The following ALOX5AP variants were observed in gnomAD, a reference collection of about 807,000 sequenced individuals.
The protein encoded by ALOX5AP is arachidonate 5-lipoxygenase activating protein.
ALOX5AP carries 9 observed loss-of-function variants against 18.5 expected under a neutral mutation model. That is an observed-to-expected ratio of 0.49 (90% CI 0.29 to 0.85). The LOEUF (loss-of-function observed/expected upper bound fraction) is 0.85, where lower values mean the gene tolerates loss of function less well. Ranked by LOEUF, ALOX5AP falls within the 40% of genes least tolerant of loss-of-function variation. The pLI, the probability that ALOX5AP is intolerant of heterozygous loss-of-function variation, is 0.08. For missense variants in ALOX5AP, 172 were observed against 202.5 expected, an observed-to-expected ratio of 0.85 and a Z score of 0.91; for synonymous variants, 81 against 78.6, an observed-to-expected ratio of 1.03 and a Z score of -0.16.
chr13:30,754,919 G>A lies in ALOX5AP; in HGVS notation c.242-1025G>A, dbSNP rs17239193. Among the ~76,000 whole-genome samples the A allele has an allele frequency of 9.2e-3, 1,402 of 152,286 alleles. 23 individuals are homozygous for A. Among genetic ancestry groups the A allele is most frequent in the African/African-American group, 0.032 (1,319 of 41,560 alleles). On this transcript the variant is annotated intron_variant, in intron 3 of 4. Transcript: ENST00000380490. ...GATTGGAGACTCAAGTTCCCAAAAC[G>A]CCAGGAGCACTGCGGCAGGTGAAAA...
chr13:30,740,967 T>G (rs1042100157), intron 1 of ALOX5AP, among the ~76,000 whole-genome samples: 3 of 152,138 alleles, frequency 2.0e-5, no homozygotes, highest in Non-Finnish European at 4.4e-5. Flanking sequence ...CCTCTGACTT[T>G]TAATAAAGTC....
intron 2 of ALOX5AP, among the ~76,000 whole-genome samples, chr13:30,748,567 T>C (rs189100136): frequency 6.6e-6 from 1 of 152,358 alleles, no homozygotes; most frequent in East Asian, 1.9e-4. Flanking sequence ...TCATCAGTTC[T>C]GTTTTGCAGA....
Position 30,744,125 on chromosome 13 carries a change from G to A in ALOX5AP, c.136G>A (p.Gly46Arg), listed in dbSNP as rs1438548272. The change falls in exon 2 of 5, where the codon GGA becomes AGA. Residue 46 changes from glycine to arginine, a missense_variant. By Grantham distance (125) the Gly-to-Arg change is moderately radical. Transcript: ENST00000380490. ...TQNGRSFQRT[G>R]TLAFERVYTA... Reference sequence around the variant, plus strand: ...GAATGGGAGGAGCTTCCAGAGGACCGGAACACTTGCCTTTGAGCGGGTCTA... The same window carrying A: ...GAATGGGAGGAGCTTCCAGAGGACCAGAACACTTGCCTTTGAGCGGGTCTA... The A allele has an allele frequency of 1.3e-5, 21 of 1,613,832 alleles. No individual in the cohort carries two copies. Among genetic ancestry groups the A allele is most frequent in the East Asian group, 2.2e-5 (1 of 44,872 alleles).
intron 1 of ALOX5AP, among the ~76,000 whole-genome samples, chr13:30,715,984 C>T (rs941240457): frequency 3.3e-5 from 5 of 152,166 alleles, no homozygotes; most frequent in Non-Finnish European, 5.9e-5. Context: ...CCATTGAGCC[C>T]GGGCTCCCCT....
At chr13:30,755,002 C>G (rs572618646) in intron 3 of ALOX5AP, among the ~76,000 whole-genome samples, 1 of 152,354 alleles carries the variant, frequency 6.6e-6, no homozygotes, top group African/African-American at 2.4e-5. Flanking sequence ...CTCTAGATAA[C>G]ACTAGTTCCA....
chr13:30,750,570 C>T (rs752843211), intron 2 of ALOX5AP, among the ~76,000 whole-genome samples: 9 of 152,182 alleles, frequency 5.9e-5, no homozygotes, highest in Non-Finnish European at 1.2e-4. Flanking sequence ...CTGGATGACC[C>T]TGAGCAAGTT....
chr13:30,721,136 C>T (rs561386985), intron 1 of ALOX5AP, among the ~76,000 whole-genome samples: 35 of 152,248 alleles, frequency 2.3e-4, no homozygotes, highest in African/African-American at 8.2e-4. Context: ...CTCTGCTAGC[C>T]GAACACACTT....
At chr13:30,715,995 C>A (rs1189143083) in intron 1 of ALOX5AP, among the ~76,000 whole-genome samples, 1 of 152,196 alleles carries the variant, frequency 6.6e-6, no homozygotes, top group East Asian at 1.9e-4. Flanking sequence ...GGGCTCCCCT[C>A]CAGAGCTGAG....
chr13:30,764,138 T>C lies in ALOX5AP; in HGVS notation c.*32T>C. The C allele has an allele frequency of 6.2e-7, 1 of 1,601,248 alleles. No individual in the cohort carries two copies. The highest frequency in any genetic ancestry group is 2.2e-5 in the East Asian group (1 of 44,774). On this transcript the variant is annotated 3_prime_UTR_variant, in exon 5 of 5. Coordinates refer to ENST00000380490, the MANE Select transcript of ALOX5AP (RefSeq NM_001629.4). ...GCTGAATATGGGGTTGGTGTTCTCA[T>C]CTAATCAATACCTACAAGTCATCAT...
At chr13:30,739,592 G>A (rs961594624) in intron 1 of ALOX5AP, among the ~76,000 whole-genome samples, 8 of 152,086 alleles carry the variant, frequency 5.3e-5, no homozygotes, top group Non-Finnish European at 7.4e-5. Context: ...GTGCCACCAC[G>A]CCCAGCTAAT....
intron 2 of ALOX5AP, among the ~76,000 whole-genome samples, chr13:30,749,994 T>C (rs1951839114): frequency 6.6e-6 from 1 of 152,142 alleles, no homozygotes; most frequent in Non-Finnish European, 1.5e-5. Flanking sequence ...TTTTTACCTA[T>C]ATAATCACAT....
chr13:30,749,105 C>T (rs1593440650), intron 2 of ALOX5AP, among the ~76,000 whole-genome samples: 1 of 152,210 alleles, frequency 6.6e-6, no homozygotes, highest in East Asian at 1.9e-4. Flanking sequence ...AACCCATTTT[C>T]TTACAGCTGG....
chr13:30,725,569 C>T (rs138046063), intron 1 of ALOX5AP, among the ~76,000 whole-genome samples: 81 of 152,344 alleles, frequency 5.3e-4, no homozygotes, highest in South Asian at 1.7e-3. Flanking sequence ...GGCACCATTC[C>T]CTGGGCTAGA....
chr13:30,760,021 A>T (rs1017142757), intron 4 of ALOX5AP, among the ~76,000 whole-genome samples: 1 of 152,114 alleles, frequency 6.6e-6, no homozygotes, highest in South Asian at 2.1e-4. Flanking sequence ...CTGAGAAATG[A>T]TTCATTCATT....
intron 2 of ALOX5AP, among the ~76,000 whole-genome samples, chr13:30,745,582 G>A (rs974416718): frequency 6.6e-6 from 1 of 152,190 alleles, no homozygotes; most frequent in Non-Finnish European, 1.5e-5. Context: ...ATTATAGAGA[G>A]GTTTCTATTT....
chr13:30,719,077 C>G (rs897516673), intron 1 of ALOX5AP, among the ~76,000 whole-genome samples: 1 of 152,158 alleles, frequency 6.6e-6, no homozygotes, highest in Admixed American at 6.6e-5. Context: ...TCACACTGAC[C>G]GGGTCTGAGT....
At chr13:30,731,143 C>G (rs536185761), upstream of ALOX5AP, among the ~76,000 whole-genome samples, 4 of 152,104 alleles carry the variant, frequency 2.6e-5, no homozygotes, top group Non-Finnish European at 5.9e-5. Context: ...TATATGTCTT[C>G]CTTTCTTTCC....
At chr13:30,757,034 T>C (rs1013858020) in intron 4 of ALOX5AP, among the ~76,000 whole-genome samples, 2 of 152,038 alleles carry the variant, frequency 1.3e-5, no homozygotes, top group African/African-American at 4.8e-5. Context: ...TCCTTAGAGA[T>C]TGCAATTCCT....
intron 1 of ALOX5AP, among the ~76,000 whole-genome samples, chr13:30,738,559 G>A (rs759198250): frequency 1.2e-4 from 18 of 152,328 alleles, no homozygotes; most frequent in South Asian, 4.1e-4. Context: ...TTACACAGAC[G>A]CATTTCTTAT....
Sources: allele counts gnomAD v4.1 joint callset (sites outside exome capture counted in the v4.1 genomes callset), GRCh38; gene constraint gnomAD v4.1.1; transcripts MANE v1.5; gene names NCBI Gene and HGNC (gene_info 2026-07-23, HGNC 2026-07-21).